The following DYNC1I1 variants were observed in gnomAD, a reference collection of about 807,000 sequenced individuals.
The protein encoded by DYNC1I1 is cytoplasmic dynein 1 intermediate chain 1.
DYNC1I1 carries 43 observed loss-of-function variants against 86.6 expected under a neutral mutation model. That is an observed-to-expected ratio of 0.50 (90% CI 0.39 to 0.64). The LOEUF (loss-of-function observed/expected upper bound fraction) is 0.64, where lower values mean the gene tolerates loss of function less well. Among genes scored for constraint, DYNC1I1 ranks in the 30% least tolerant of loss-of-function variants. The probability of loss-of-function intolerance (pLI) is 0.00; values close to 1 mark genes in which losing one functional copy is unlikely to be tolerated. For missense variants in DYNC1I1, 604 were observed against 788.8 expected (o/e 0.77, Z 2.81); for synonymous variants, 262 against 283.7 (o/e 0.92, Z 0.77).
At chr7:95,929,046 A>C (rs6950190) in intron 6 of DYNC1I1, among the ~76,000 whole-genome samples, 30,658 of 152,144 alleles carry the variant, frequency 0.2, 3,618 homozygotes, top group Admixed American at 0.38. Flanking sequence ...GGGTACGAGT[A>C]AAGTGTCCTT....
chr7:96,085,139 C>T (rs1317665438), intron 16 of DYNC1I1, among the ~76,000 whole-genome samples: 3 of 152,180 alleles, frequency 2.0e-5, no homozygotes, highest in African/African-American at 7.2e-5. Context: ...ATCTCCTGTC[C>T]CAGCTGAGGC....
chr7:95,836,175 C>T (rs1479367144), intron 5 of DYNC1I1, among the ~76,000 whole-genome samples: 6 of 151,900 alleles, frequency 3.9e-5, no homozygotes. Context: ...CTGGTGGTGA[C>T]AAAATCTCTC....
intron 5 of DYNC1I1, among the ~76,000 whole-genome samples, chr7:95,862,166 A>G (rs1789900623): frequency 6.6e-6 from 1 of 152,154 alleles, no homozygotes; most frequent in Non-Finnish European, 1.5e-5. Flanking sequence ...TATGTTACCA[A>G]AAGCACAAGC....
chr7:96,093,938 GA>G (rs1216955690), intron 16 of DYNC1I1, among the ~76,000 whole-genome samples: 1 of 152,102 alleles, frequency 6.6e-6, no homozygotes, highest in Non-Finnish European at 1.5e-5. Context: ...TGCCTTAATA[GA>G]AACTTGAAGA....
chr7:95,923,418 A>T (rs1791662474), intron 6 of DYNC1I1, among the ~76,000 whole-genome samples: 1 of 152,156 alleles, frequency 6.6e-6, no homozygotes, highest in Admixed American at 6.6e-5. Context: ...TTAGTGCCCA[A>T]AAGAAGTAAA....
At chr7:95,938,328 C>T (rs1380540962) in intron 6 of DYNC1I1, among the ~76,000 whole-genome samples, 1 of 152,120 alleles carries the variant, frequency 6.6e-6, no homozygotes, top group Non-Finnish European at 1.5e-5. Flanking sequence ...GATAAAGTTT[C>T]TGAGTCTCGA....
intron 12 of DYNC1I1, 58 bp from the exon 13 acceptor site, chr7:96,035,561 A>G: frequency 3.3e-6 from 5 of 1,512,556 alleles, no homozygotes; most frequent in Non-Finnish European, 4.4e-6. Context: ...TTTCCGTGCT[A>G]TCTTTGGCAT....
chr7:96,005,474 T>A (rs1794117988), intron 10 of DYNC1I1, among the ~76,000 whole-genome samples: 1 of 152,166 alleles, frequency 6.6e-6, no homozygotes, highest in South Asian at 2.1e-4. Flanking sequence ...GCATATTGCG[T>A]TATCTGACAC....
intron 1 of DYNC1I1, among the ~76,000 whole-genome samples, chr7:95,787,029 T>C (rs1794166867): frequency 6.6e-6 from 1 of 152,222 alleles, no homozygotes; most frequent in African/African-American, 2.4e-5. Context: ...AATTAAGGTC[T>C]GAATCTTACT....
At chr7:95,970,750 T>C (rs1793145539) in intron 6 of DYNC1I1, among the ~76,000 whole-genome samples, 1 of 152,066 alleles carries the variant, frequency 6.6e-6, no homozygotes, top group South Asian at 2.1e-4. Flanking sequence ...TTAAGAAGAG[T>C]AGGTCTTTGA....
chr7:95,981,590 G>A (rs1048161248), intron 7 of DYNC1I1, among the ~76,000 whole-genome samples: 3 of 152,012 alleles, frequency 2.0e-5, no homozygotes, highest in African/African-American at 7.2e-5. Flanking sequence ...TGGATTACAT[G>A]TAAGTTACAT....
intron 4 of DYNC1I1, among the ~76,000 whole-genome samples, chr7:95,817,953 A>G (rs1200600488): frequency 6.6e-6 from 1 of 152,204 alleles, no homozygotes; most frequent in African/African-American, 2.4e-5. Flanking sequence ...AAATATAGGA[A>G]AGTGTATTGA....
At chr7:95,918,173 C>G (rs1443559738) in intron 6 of DYNC1I1, among the ~76,000 whole-genome samples, 1 of 152,192 alleles carries the variant, frequency 6.6e-6, no homozygotes, top group Non-Finnish European at 1.5e-5. Context: ...GAGCAAAAAA[C>G]CTTACTCTTC....
At chr7:95,949,367 G>T (rs560821210) in intron 6 of DYNC1I1, among the ~76,000 whole-genome samples, 24 of 152,176 alleles carry the variant, frequency 1.6e-4, no homozygotes, top group Non-Finnish European at 2.6e-4. Flanking sequence ...ACCCATTACT[G>T]CCCTGGGCAG....
At chr7:96,014,814 A>G (rs1327402160) in intron 10 of DYNC1I1, among the ~76,000 whole-genome samples, 2 of 152,198 alleles carry the variant, frequency 1.3e-5, no homozygotes, top group African/African-American at 2.4e-5. Context: ...CATAGATTGG[A>G]TGAAGCCCAA....
chr7:95,885,058 T>G (rs994983186), intron 6 of DYNC1I1, among the ~76,000 whole-genome samples: 3 of 152,250 alleles, frequency 2.0e-5, no homozygotes, highest in Non-Finnish European at 4.4e-5. Flanking sequence ...CCATAAAAGA[T>G]TCCATATATT....
At chr7:95,840,841 A>G (rs1789261294) in intron 5 of DYNC1I1, among the ~76,000 whole-genome samples, 1 of 152,226 alleles carries the variant, frequency 6.6e-6, no homozygotes, top group South Asian at 2.1e-4. Flanking sequence ...GATTGGAGCC[A>G]GTCTCTTGAG....
chr7:95,994,999 G>T (rs1467382977), intron 9 of DYNC1I1, among the ~76,000 whole-genome samples: 1 of 152,066 alleles, frequency 6.6e-6, no homozygotes, highest in Non-Finnish European at 1.5e-5. Flanking sequence ...TGTAATCCCA[G>T]CACTTTGAGA....
chr7:95,985,047 T>C, intron 8 of DYNC1I1, 70 bp downstream of exon 8: 1 of 1,565,248 alleles, frequency 6.4e-7, no homozygotes, highest in South Asian at 1.2e-5. Context: ...ATTTATGTTC[T>C]GACTAGGAAA....
Sources: allele counts gnomAD v4.1 joint callset (sites outside exome capture counted in the v4.1 genomes callset), GRCh38; gene constraint gnomAD v4.1.1; transcripts MANE v1.5; gene names NCBI Gene and HGNC (gene_info 2026-07-23, HGNC 2026-07-21).